The following TSPAN9 variants were observed in gnomAD, a reference collection of about 807,000 sequenced individuals.
TSPAN9 encodes tetraspanin-9.
Under a neutral mutation model 31.0 loss-of-function variants are expected in TSPAN9, and 16 were observed. The ratio of observed to expected loss-of-function variants is 0.52; its 90% CI spans 0.35 to 0.78. The LOEUF is 0.78. Among genes scored for constraint, TSPAN9 ranks in the 30% least tolerant of loss-of-function variants. The pLI is 0.01. For missense variants in TSPAN9, 272 were observed against 312.5 expected, an observed-to-expected ratio of 0.87 and a Z score of 0.98; for synonymous variants, 145 against 121.6, an observed-to-expected ratio of 1.19 and a Z score of -1.27.
At chr12:3,268,417 C>T (rs537061634) in intron 3 of TSPAN9, among the ~76,000 whole-genome samples, 80 of 80,204 alleles carry the variant, frequency 1.0e-3, no homozygotes, top group Non-Finnish European at 1.4e-3. Context: ...GCCTGCCCTC[C>T]GTGCGTTCCT....
chr12:3,272,087 A>G (rs1308235823), intron 3 of TSPAN9, among the ~76,000 whole-genome samples: 2 of 152,212 alleles, frequency 1.3e-5, no homozygotes, highest in African/African-American at 4.8e-5. Context: ...CTAGCATTTG[A>G]AAATTTCCTG....
At chr12:3,226,907 A>T (rs1256600119) in intron 3 of TSPAN9, among the ~76,000 whole-genome samples, 1 of 147,100 alleles carries the variant, frequency 6.8e-6, no homozygotes. Context: ...TTCTCCTAAT[A>T]TGTGGTCTGA....
At chr12:3,242,602 C>T (rs117674776) in intron 3 of TSPAN9, among the ~76,000 whole-genome samples, 3,480 of 152,318 alleles carry the variant, frequency 0.023, 94 homozygotes, top group Admixed American at 0.054. Flanking sequence ...CTATCCTCTG[C>T]GGAGCCCAGC....
chr12:3,250,527 T>C (rs1313178105), intron 3 of TSPAN9, among the ~76,000 whole-genome samples: 1 of 152,172 alleles, frequency 6.6e-6, no homozygotes, highest in Non-Finnish European at 1.5e-5. Context: ...AAGAGTGGGG[T>C]GCCCTGAGGG....
intron 2 of TSPAN9, among the ~76,000 whole-genome samples, chr12:3,108,312 T>G (rs563791653): frequency 1.1e-4 from 17 of 152,338 alleles, no homozygotes; most frequent in African/African-American, 4.1e-4. Flanking sequence ...CACACTTCCT[T>G]GATATTTTGG....
At chr12:3,224,255 A>G (rs754979706) in intron 3 of TSPAN9, among the ~76,000 whole-genome samples, 1 of 152,006 alleles carries the variant, frequency 6.6e-6, no homozygotes, top group Admixed American at 6.5e-5. Context: ...TTCCCTTGGG[A>G]CCCTTGTGCA....
intron 5 of TSPAN9, 57 bp downstream of exon 5, chr12:3,279,123 C>A: frequency 6.5e-7 from 1 of 1,527,634 alleles, no homozygotes; most frequent in Non-Finnish European, 9.1e-7. Flanking sequence ...TAGAGTTGGG[C>A]CAAGCAGGCC....
intron 2 of TSPAN9, among the ~76,000 whole-genome samples, chr12:3,159,904 C>A (rs1478741121): frequency 6.6e-6 from 1 of 152,196 alleles, no homozygotes; most frequent in Non-Finnish European, 1.5e-5. Flanking sequence ...TTAAGCCACC[C>A]AGCCTGTGGT....
At chr12:3,181,432 C>T (rs2098358544) in intron 2 of TSPAN9, among the ~76,000 whole-genome samples, 1 of 152,110 alleles carries the variant, frequency 6.6e-6, no homozygotes, top group Non-Finnish European at 1.5e-5. Context: ...CCCATGTCTC[C>T]CTACCACCTC....
At chr12:3,133,463 C>G (rs2098330717) in intron 2 of TSPAN9, among the ~76,000 whole-genome samples, 1 of 152,124 alleles carries the variant, frequency 6.6e-6, no homozygotes, top group Non-Finnish European at 1.5e-5. Context: ...ATGCCCCTCT[C>G]CCAGCCCCAG....
intron 2 of TSPAN9, chr12:3,151,552 AGCTGG>A (rs1565594041): frequency 6.6e-6 from 1 of 152,148 alleles, no homozygotes; most frequent in Non-Finnish European, 1.5e-5. Context: ...AGATGCCACC[AGCTGG>A]GTGGGCACTG....
chr12:3,275,577 T>A (rs1862767157), intron 3 of TSPAN9, among the ~76,000 whole-genome samples: 1 of 152,274 alleles, frequency 6.6e-6, no homozygotes, highest in Non-Finnish European at 1.5e-5. Flanking sequence ...GATGAAAGTT[T>A]CAGCCATCGC....
intron 3 of TSPAN9, among the ~76,000 whole-genome samples, chr12:3,210,149 A>G (rs934100791): frequency 6.7e-6 from 1 of 148,302 alleles, no homozygotes; most frequent in South Asian, 2.2e-4. Flanking sequence ...AAAAAAAAAG[A>G]AAAAAAAGTT....
rs527323636 is a variant in TSPAN9, at chr12:3,127,803, T to A, written c.-18+44084T>A. On this transcript the variant is annotated intron_variant, in intron 2 of 8. Transcript: ENST00000011898. The stretch of plus-strand genomic sequence containing the variant: ...GTATGTGCTGTGGTAGACATATTTT[T>A]AAAAAATTCATGGGGTCTTGCTATG... Among the ~76,000 whole-genome samples, 76 of 152,340 alleles carry A rather than the reference T, an allele frequency of 5.0e-4. No homozygotes were observed. In the South Asian group the frequency reaches 0.011, roughly 22 times the overall value.
At chr12:3,244,190 C>T (rs73047017) in intron 3 of TSPAN9, among the ~76,000 whole-genome samples, 7,443 of 152,316 alleles carry the variant, frequency 0.049, 240 homozygotes, top group Middle Eastern at 0.085. Flanking sequence ...ATGTCTGTGA[C>T]GCAGCCTTCT....
At chr12:3,106,244 G>A (rs1304496265) in intron 2 of TSPAN9, among the ~76,000 whole-genome samples, 1 of 152,226 alleles carries the variant, frequency 6.6e-6, no homozygotes, top group Non-Finnish European at 1.5e-5. Flanking sequence ...AGCTGACTTG[G>A]CATGGGAGTT....
chr12:3,208,019 C>T (rs371290258), intron 3 of TSPAN9, among the ~76,000 whole-genome samples: 95 of 152,352 alleles, frequency 6.2e-4, no homozygotes, highest in African/African-American at 2.2e-3. Context: ...CCTGTAGGGC[C>T]GTGCTGAGGC....
At chr12:3,210,738 C>CTT (rs376848982) in intron 3 of TSPAN9, among the ~76,000 whole-genome samples, 108 of 132,886 alleles carry the variant, frequency 8.1e-4, no homozygotes, top group Non-Finnish European at 9.8e-4. Context: ...TCATGGATGT[C>CTT]TTTTTTTTTT....
chr12:3,208,494 T>G (rs2153973745), intron 3 of TSPAN9, among the ~76,000 whole-genome samples: 1 of 152,310 alleles, frequency 6.6e-6, no homozygotes, highest in South Asian at 2.1e-4. Flanking sequence ...AAGTGGGGCC[T>G]GGACCCAGCC....
Sources: gnomAD v4.1 joint callset for allele counts (sites outside exome capture counted in the v4.1 genomes callset) on GRCh38, gnomAD v4.1.1 for gene constraint, MANE v1.5 for transcripts, NCBI Gene and HGNC (gene_info 2026-07-23, HGNC 2026-07-21) for gene names.